COA8: variants seen among roughly 807,000 people sequenced by gnomAD.
COA8 encodes the protein UPF0671 protein C14orf153.
Under a neutral mutation model 22.0 loss-of-function variants are expected in COA8, and 20 were observed. The ratio of observed to expected loss-of-function variants is 0.91; its 90% confidence interval spans 0.64 to 1.32. The LOEUF is 1.32. Among genes scored for constraint, COA8 ranks in the 40% most tolerant of loss-of-function variants. COA8 has a pLI of 0.00. For missense variants in COA8, 266 were observed against 230.0 expected, an observed-to-expected ratio of 1.16 and a Z score of -1.01; for synonymous variants, 105 against 79.9, an observed-to-expected ratio of 1.31 and a Z score of -1.68.
intron 4 of COA8, among the ~76,000 whole-genome samples, chr14:103,589,832 C>T (rs181644148): frequency 1.3e-4 from 20 of 151,406 alleles, no homozygotes; most frequent in East Asian, 7.8e-4. Flanking sequence ...GAGAATGGCG[C>T]GAACCCGGGA....
At chr14:103,587,500 C>CTT in intron 4 of COA8, 136 bp downstream of exon 4, 1 of 439,122 alleles carries the variant, frequency 2.3e-6, no homozygotes, top group South Asian at 5.7e-5. Context: ...TTTTTTTTTT[C>CTT]TTTTTTTCTT....
intron 2 of COA8, among the ~76,000 whole-genome samples, chr14:103,573,542 G>A (rs2076204564): frequency 6.6e-6 from 1 of 150,916 alleles, no homozygotes; most frequent in Non-Finnish European, 1.5e-5. Flanking sequence ...TCTGTGGAGG[G>A]TTTTTTTTGT....
chr14:103,574,074 G>A (rs539140983), intron 2 of COA8, 33 bp from the exon 3 acceptor site: 1 of 1,118,084 alleles, frequency 8.9e-7, no homozygotes, highest in African/African-American at 1.8e-5. Context: ...GGAGTTCTGA[G>A]AGCCTTTTTT....
intron 3 of COA8, chr14:103,579,476 G>C (rs1377572227): frequency 3.0e-5 from 5 of 169,242 alleles, no homozygotes; most frequent in Non-Finnish European, 6.4e-5. Flanking sequence ...AGCCTTCTGA[G>C]TAGCTGGGAC....
intron 2 of COA8, among the ~76,000 whole-genome samples, chr14:103,573,823 C>T (rs891268906): frequency 4.6e-5 from 7 of 152,166 alleles, no homozygotes; most frequent in African/African-American, 1.4e-4. Flanking sequence ...AAAGTGCTGG[C>T]ATTATGGGTG....
intron 3 of COA8, among the ~76,000 whole-genome samples, chr14:103,584,621 T>A (rs538815213): frequency 5.1e-4 from 78 of 152,338 alleles, no homozygotes; most frequent in African/African-American, 1.8e-3. Flanking sequence ...TGGCCTGACC[T>A]ATTTTTTTAT....
At chr14:103,584,643 A>G (rs1305699209) in intron 3 of COA8, among the ~76,000 whole-genome samples, 2 of 152,116 alleles carry the variant, frequency 1.3e-5, no homozygotes, top group Admixed American at 6.6e-5. Context: ...TCCACCAGCA[A>G]TGTATGAGAG....
chr14:103,572,062 G>C (rs930498428), intron 2 of COA8, among the ~76,000 whole-genome samples: 4 of 151,844 alleles, frequency 2.6e-5, no homozygotes, highest in Non-Finnish European at 5.9e-5. Context: ...GGGAGGCAGA[G>C]CTTGCAGTGA....
Position 103,581,701 on chromosome 14 carries a change from G to A in COA8, c.386-5573G>A, listed in dbSNP as rs1279606844. 1 of 398,508 alleles carries A rather than the reference G, an allele frequency of 2.5e-6. No individual in the cohort carries two copies. Among genetic ancestry groups the A allele is most frequent in the East Asian group, 3.6e-5 (1 of 28,084 alleles). 24.7% of individuals were successfully genotyped at this position (398,508 alleles called of 1,614,324 possible). A position where few individuals can be genotyped will look rare whatever the true frequency, so the allele number is the denominator to read the frequency against. On this transcript the variant is annotated intron_variant, in intron 3 of 4. Coordinates refer to ENST00000409074, the MANE Select transcript of COA8 (RefSeq NM_001370595.2). This position sits in a 1 kb window ranked among gnomAD's most constrained non-coding sequence, Gnocchi z 4.1. ...AGAAGAAAATGAAGTAGCCCCAGAT[G>A]ACGTAGGAAATGGCAGAACTGAAGG...
rs552288341 is a variant in COA8 at position 103,581,698 on chromosome 14, G to C, written c.386-5576G>C. 7.5e-6 allele frequency: 3 copies of C among 398,680 alleles called. No individual in the cohort carries two copies. Among genetic ancestry groups the C allele is most frequent in the Admixed American group, 4.4e-5 (1 of 22,728 alleles). 24.7% of individuals were successfully genotyped at this position (398,680 alleles called of 1,614,324 possible). On this transcript the variant is annotated intron_variant, in intron 3 of 4. Transcript: ENST00000409074. This position sits in a 1 kb window ranked among gnomAD's most constrained non-coding sequence, Gnocchi z 4.1. ...CACAGAAGAAAATGAAGTAGCCCCA[G>C]ATGACGTAGGAAATGGCAGAACTGA...
At chr14:103,565,521 C>T (rs1004790894) in intron 1 of COA8, among the ~76,000 whole-genome samples, 2 of 151,694 alleles carry the variant, frequency 1.3e-5, no homozygotes, top group East Asian at 1.9e-4. Context: ...TTCTTTAATC[C>T]GGAAGTTCCT....
intron 2 of COA8, among the ~76,000 whole-genome samples, chr14:103,572,943 C>T (rs933624304): frequency 1.3e-5 from 2 of 151,674 alleles, no homozygotes; most frequent in African/African-American, 4.8e-5. Context: ...CCTCCGTGCC[C>T]AGCTAATTTT....
chr14:103,586,870 ATAT>A, intron 3 of COA8, among the ~76,000 whole-genome samples: 1 of 151,502 alleles, frequency 6.6e-6, no homozygotes, highest in East Asian at 2.0e-4. Context: ...CATCTGGCTA[ATAT>A]TTGTATTTTT....
chr14:103,572,985 G>A (rs1225547109), intron 2 of COA8, among the ~76,000 whole-genome samples: 2 of 151,588 alleles, frequency 1.3e-5, no homozygotes, highest in Non-Finnish European at 2.9e-5. Context: ...ATTTCACTCT[G>A]TTGGCCAGGA....
At chr14:103,580,088 A>G (rs1298352477) in intron 3 of COA8, among the ~76,000 whole-genome samples, 1 of 151,928 alleles carries the variant, frequency 6.6e-6, no homozygotes, top group South Asian at 2.1e-4. Flanking sequence ...TTATTTGCAA[A>G]TATTTGGAGA....
intron 2 of COA8, among the ~76,000 whole-genome samples, chr14:103,572,594 G>A (rs1209554281): frequency 6.6e-6 from 1 of 151,880 alleles, no homozygotes; most frequent in Non-Finnish European, 1.5e-5. Flanking sequence ...GCCAGGTGTG[G>A]TGGCATATGC....
intron 4 of COA8, among the ~76,000 whole-genome samples, chr14:103,588,459 A>G (rs2076326937): frequency 6.8e-6 from 1 of 146,476 alleles, no homozygotes; most frequent in East Asian, 1.9e-4. Flanking sequence ...ATAAATAAAT[A>G]AATAAGTAAG....
At chr14:103,571,494 C>A (rs112500449) in intron 1 of COA8, 129 bp from the exon 2 acceptor site, 4 of 899,618 alleles carry the variant, frequency 4.4e-6, no homozygotes, top group Middle Eastern at 2.9e-4. Flanking sequence ...GCTGAGATCA[C>A]GCCACTACAC....
At chr14:103,571,576 C>A in intron 1 of COA8, 47 bp from the exon 2 acceptor site, 1 of 1,475,446 alleles carries the variant, frequency 6.8e-7, no homozygotes, top group Non-Finnish European at 9.4e-7. Context: ...TTTTATAATA[C>A]TAGAGATTCA....
Sources: allele counts gnomAD v4.1 joint callset (sites outside exome capture counted in the v4.1 genomes callset), GRCh38; gene constraint gnomAD v4.1.1; non-coding constraint Gnocchi (gnomAD v3.1); transcripts MANE v1.5; gene names NCBI Gene and HGNC (gene_info 2026-07-23, HGNC 2026-07-21).